TAOK1: variants seen among roughly 807,000 people sequenced by gnomAD.
The protein encoded by TAOK1 is serine/threonine-protein kinase TAO1.
In TAOK1, 21 loss-of-function variants were observed where a neutral mutation model predicts 138.3. That is an observed-to-expected ratio of 0.15 (90% CI 0.11 to 0.22). TAOK1 has a LOEUF of 0.22. Ranked by LOEUF, TAOK1 falls within the 10% of genes least tolerant of loss-of-function variation. TAOK1 has a pLI of 1.00. For missense variants in TAOK1, 651 were observed against 1,227.7 expected, an observed-to-expected ratio of 0.53 and a Z score of 7.02; for synonymous variants, 361 against 398.4, an observed-to-expected ratio of 0.91 and a Z score of 1.12.
In TAOK1 at chr17:29,543,023, C is replaced by A; in HGVS notation, c.*1C>A. 6.4e-7 allele frequency: 1 copy of A among 1,562,878 alleles called. No individual in the cohort carries two copies. The highest frequency in any genetic ancestry group is 8.7e-7 in the Non-Finnish European group (1 of 1,149,378). On this transcript the variant is annotated 3_prime_UTR_variant, in exon 20 of 20. Coordinates refer to ENST00000261716, the MANE Select transcript of TAOK1 (RefSeq NM_020791.4). ...TGGGTCACACATGTCTTATACATAACTTAATAATTGAGAGTGGCAATTCCG... is the reference window on the plus strand; with the variant it reads ...TGGGTCACACATGTCTTATACATAAATTAATAATTGAGAGTGGCAATTCCG...
chr17:29,521,945 T>C lies in TAOK1; in HGVS notation c.1909-335T>C, dbSNP rs371599496. Among the ~76,000 whole-genome samples, 81 of 152,244 alleles carry C rather than the reference T, an allele frequency of 5.3e-4. No individual in the cohort carries two copies. In the South Asian group the frequency reaches 0.016, roughly 30 times the overall value. Reference sequence around the variant, plus strand: ...CTGCGTGTAAAATAATTGAATAGAATACTCTGAAGAAATTGAAAGGATAAC... The same window carrying C: ...CTGCGTGTAAAATAATTGAATAGAACACTCTGAAGAAATTGAAAGGATAAC... On this transcript the variant is annotated intron_variant, in intron 16 of 19. Coordinates refer to ENST00000261716, the MANE Select transcript of TAOK1 (RefSeq NM_020791.4).
intron 2 of TAOK1, among the ~76,000 whole-genome samples, chr17:29,461,172 G>T (rs1354966123): frequency 6.6e-6 from 1 of 151,832 alleles, no homozygotes; most frequent in African/African-American, 2.4e-5. Flanking sequence ...TGTGATCCTG[G>T]ATTAGAAAAA....
chr17:29,468,701 C>T (rs567940263), intron 3 of TAOK1, among the ~76,000 whole-genome samples: 1 of 152,084 alleles, frequency 6.6e-6, no homozygotes, highest in East Asian at 1.9e-4. Flanking sequence ...GCGCCTGCCA[C>T]CACACCTGGC....
At chr17:29,471,632 A>G (rs2030821619) in intron 3 of TAOK1, among the ~76,000 whole-genome samples, 1 of 152,128 alleles carries the variant, frequency 6.6e-6, no homozygotes, top group African/African-American at 2.4e-5. Flanking sequence ...TCAGCATGTC[A>G]TACTATTTTT....
rs146014612 is a variant in TAOK1, at chr17:29,483,406, T to C, written c.655+1118T>C. ...CCATTCTAAAAGGAGTGACTAAGGATGGAAAATAATACATTAAAAGTAAAA... is the reference window on the plus strand; with the variant it reads ...CCATTCTAAAAGGAGTGACTAAGGACGGAAAATAATACATTAAAAGTAAAA... On this transcript the variant is annotated intron_variant, in intron 8 of 19. Coordinates refer to ENST00000261716, the MANE Select transcript of TAOK1 (RefSeq NM_020791.4). Among the ~76,000 whole-genome samples, 3 of 152,280 alleles carry C rather than the reference T, an allele frequency of 2.0e-5. No individual in the cohort carries two copies. In the East Asian group the frequency reaches 5.8e-4, roughly 29 times the overall value.
chr17:29,487,572 A>G (rs1202899310), intron 8 of TAOK1, among the ~76,000 whole-genome samples: 1 of 152,206 alleles, frequency 6.6e-6, no homozygotes, highest in East Asian at 1.9e-4. Context: ...GGCTAGGGAA[A>G]GCACAAGATG....
chr17:29,417,754 G>A (rs906792123), intron 1 of TAOK1, among the ~76,000 whole-genome samples: 12 of 152,298 alleles, frequency 7.9e-5, no homozygotes, highest in South Asian at 2.1e-4. Flanking sequence ...GCTGGACATG[G>A]CACCTGCCGC....
chr17:29,483,963 G>A (rs899355366), intron 8 of TAOK1, among the ~76,000 whole-genome samples: 1 of 152,070 alleles, frequency 6.6e-6, no homozygotes, highest in African/African-American at 2.4e-5. Context: ...CTTAATGCTG[G>A]CCGATGCATA....
intron 1 of TAOK1, among the ~76,000 whole-genome samples, chr17:29,406,419 T>G (rs1904992665): frequency 6.6e-6 from 1 of 152,118 alleles, no homozygotes; most frequent in Admixed American, 6.6e-5. Flanking sequence ...TGATCAATAT[T>G]GAAGAGGGTG....
At chr17:29,404,689 C>T (rs1351863428) in intron 1 of TAOK1, among the ~76,000 whole-genome samples, 1 of 151,964 alleles carries the variant, frequency 6.6e-6, no homozygotes, top group Non-Finnish European at 1.5e-5. Context: ...ACTCAGGAGG[C>T]TGAGGCAGGA....
intron 1 of TAOK1, 27 bp from the exon 2 acceptor site, chr17:29,451,428 T>C: frequency 7.7e-7 from 1 of 1,297,738 alleles, no homozygotes; most frequent in East Asian, 2.6e-5. Context: ...TTGCCTTTTC[T>C]GACTTTTTTT....
At chr17:29,517,315 T>C (rs995167577) in intron 15 of TAOK1, 138 bp from the exon 16 acceptor site, 2 of 721,742 alleles carry the variant, frequency 2.8e-6, no homozygotes, top group Non-Finnish European at 2.3e-6. Context: ...AGAGACAGTT[T>C]CGCCATGTTG....
intron 1 of TAOK1, among the ~76,000 whole-genome samples, chr17:29,395,166 C>CCCAGAAGATGGAGG (rs1212960966): frequency 6.6e-6 from 1 of 152,004 alleles, no homozygotes; most frequent in African/African-American, 2.4e-5. Flanking sequence ...ATTGCTTGAG[C>CCCAGAAGATGGAGG]CCAGAAGATG....
chr17:29,530,962 A>ATTTTTTTTTTT (rs66788063), intron 18 of TAOK1, among the ~76,000 whole-genome samples: 16,192 of 95,040 alleles, frequency 0.17, 3,011 homozygotes, highest in East Asian at 0.48. Context: ...ACAAGTACAA[A>ATTTTTTTTTTT]TTTTTTTTTT....
Position 29,522,476 on chromosome 17 carries a change from G to T in TAOK1, c.2105G>T (p.Arg702Leu). 1 of 1,614,160 alleles carries T rather than the reference G, an allele frequency of 6.2e-7. No individual in the cohort carries two copies. Among genetic ancestry groups the T allele is most frequent in the Non-Finnish European group, 8.5e-7 (1 of 1,180,042 alleles). Residue 702 changes from arginine to leucine, a missense_variant, in exon 17 of 20, where the codon CGA becomes CTA. Transcript: ENST00000261716. ...AAGCGAAGAGAACGAGAACTAAGACGAAAGCATGTCATGGAAGTTCGACAA... is the reference window on the plus strand; with the variant it reads ...AAGCGAAGAGAACGAGAACTAAGACTAAAGCATGTCATGGAAGTTCGACAA... ...YNKRRERELR[R>L]KHVMEVRQQP...
intron 1 of TAOK1, among the ~76,000 whole-genome samples, chr17:29,400,904 CTTTTTTTTTT>C (rs10539936): frequency 1.9e-5 from 2 of 105,276 alleles, no homozygotes; most frequent in African/African-American, 7.4e-5. Flanking sequence ...TTGTTTGCCT[CTTTTTTTTTT>C]TTTTTTTTTT....
chr17:29,536,669 G>T (rs1421062872), intron 19 of TAOK1, among the ~76,000 whole-genome samples: 1 of 149,768 alleles, frequency 6.7e-6, no homozygotes, highest in Non-Finnish European at 1.5e-5. Flanking sequence ...CTTCTTCCAT[G>T]TGCAAATTTC....
rs2032485596 is a variant in TAOK1, at chr17:29,551,090, C to G, written c.*8068C>G. On this transcript the variant is annotated 3_prime_UTR_variant, in exon 20 of 20. Coordinates refer to ENST00000261716, the MANE Select transcript of TAOK1 (RefSeq NM_020791.4). Reference sequence around the variant, plus strand: ...ATGCACACCTGTAGTAGCCCAGGACCAGCTGTGGTGGCTAAAGGGAATATG... The same window carrying G: ...ATGCACACCTGTAGTAGCCCAGGACGAGCTGTGGTGGCTAAAGGGAATATG... 6.6e-6 allele frequency: 1 copy of G among 152,026 alleles called. No homozygotes were observed. Among genetic ancestry groups the G allele is most frequent in the African/African-American group, 2.4e-5 (1 of 41,358 alleles). The allele number at this position is 152,026 out of a possible 1,614,324, so 9.4% of individuals were successfully genotyped here.
intron 3 of TAOK1, among the ~76,000 whole-genome samples, chr17:29,469,832 T>C (rs977080968): frequency 1.3e-5 from 2 of 152,210 alleles, no homozygotes; most frequent in Non-Finnish European, 2.9e-5. Flanking sequence ...TTTTTGAGTC[T>C]GCCTTCCAGA....
Sources: allele counts gnomAD v4.1 joint callset (sites outside exome capture counted in the v4.1 genomes callset), GRCh38; gene constraint gnomAD v4.1.1; transcripts MANE v1.5; gene names NCBI Gene and HGNC (gene_info 2026-07-23, HGNC 2026-07-21).